ACOX3: variants seen among roughly 807,000 people sequenced by gnomAD.
ACOX3 encodes peroxisomal acyl-coenzyme A oxidase 3.
ACOX3 carries 73 observed loss-of-function variants against 81.5 expected under a neutral mutation model. That is an observed-to-expected ratio of 0.90 (90% CI 0.74 to 1.09). The LOEUF (loss-of-function observed/expected upper bound fraction) is 1.09. Among genes scored for constraint, ACOX3 ranks in the 50% least tolerant of loss-of-function variants. The pLI is 0.00. For synonymous variants in ACOX3, 387 were observed against 375.1 expected, an observed-to-expected ratio of 1.03 and a Z score of -0.37; for missense variants, 947 against 928.0, an observed-to-expected ratio of 1.02 and a Z score of -0.27.
intron 14 of ACOX3, among the ~76,000 whole-genome samples, chr4:8,376,349 A>AC (rs1293955649): frequency 5.7e-5 from 1 of 17,534 alleles, no homozygotes; most frequent in Non-Finnish European, 1.1e-4. Flanking sequence ...TTTTAAAATT[A>AC]AAAAAAAAAA....
intron 1 of ACOX3, among the ~76,000 whole-genome samples, chr4:8,425,287 C>A (rs899296624): frequency 6.6e-6 from 1 of 151,942 alleles, no homozygotes; most frequent in Non-Finnish European, 1.5e-5. Context: ...TATAGAAGGA[C>A]CCCTAGTATG....
chr4:8,420,350 A>G (rs2109002329), intron 1 of ACOX3, among the ~76,000 whole-genome samples: 1 of 152,306 alleles, frequency 6.6e-6, no homozygotes, highest in Admixed American at 6.5e-5. Context: ...CTTGGGGGTG[A>G]TAATACAGTG....
chr4:8,404,169 C>T (rs1289940336), intron 7 of ACOX3, among the ~76,000 whole-genome samples: 2 of 152,238 alleles, frequency 1.3e-5, no homozygotes, highest in Non-Finnish European at 2.9e-5. Context: ...GCTGGGGCTT[C>T]CCGCTGCCCT....
chr4:8,397,041 T>TAA lies in ACOX3; in HGVS notation c.950_951dup (p.Asn318LeufsTer3), dbSNP rs1719782939. The TAA allele has an allele frequency of 6.2e-7, 1 of 1,609,782 alleles. No individual in the cohort carries two copies. The highest frequency in any genetic ancestry group is 8.5e-7 in the Non-Finnish European group (1 of 1,178,110). On this transcript the variant is annotated frameshift_variant, in exon 9 of 18. Transcript: ENST00000356406. LOFTEE classifies it high-confidence loss of function. ...GCGATGGCCACGGCCAGCTTTAGGT[T>TAA]AAGGATGGCCAGGCTCACGATGGAG...
intron 1 of ACOX3, among the ~76,000 whole-genome samples, chr4:8,417,564 G>A (rs1384885818): frequency 6.6e-6 from 1 of 152,252 alleles, no homozygotes; most frequent in Non-Finnish European, 1.5e-5. Flanking sequence ...GAAGTGGGGA[G>A]AAGGGCTCCA....
chr4:8,425,340 A>C (rs1252017518), intron 1 of ACOX3, among the ~76,000 whole-genome samples: 1 of 152,062 alleles, frequency 6.6e-6, no homozygotes, highest in Non-Finnish European at 1.5e-5. Flanking sequence ...ACTCAAAAGA[A>C]ATAGGATGGG....
chr4:8,381,678 G>A lies in ACOX3; in HGVS notation c.1538-71C>T. On this transcript the variant is annotated intron_variant, in intron 13 of 17. Transcript: ENST00000356406. The surrounding 1 kb of genome is among the most constrained non-coding windows in gnomAD (Gnocchi z 4.3). The stretch of plus-strand genomic sequence containing the variant: ...CAGCATTTGTCACAACTCACCCCCA[G>A]GGACAAGGCACTGCCAGCATCCTGC... 8.4e-7 allele frequency: 1 copy of A among 1,195,350 alleles called. No homozygotes were observed. The highest frequency in any genetic ancestry group is 1.3e-5 in the South Asian group (1 of 78,238). 74.0% of individuals were successfully genotyped at this position (1,195,350 alleles called of 1,614,324 possible).
intron 5 of ACOX3, among the ~76,000 whole-genome samples, chr4:8,410,726 A>G (rs1040704683): frequency 6.6e-6 from 1 of 152,162 alleles, no homozygotes; most frequent in Non-Finnish European, 1.5e-5. Context: ...CCCTGTGGGC[A>G]GGGCTGTGGG....
At position 8,414,525 on chromosome 4, in the gene ACOX3, T is replaced by C; in HGVS notation, c.454-144A>G. ...CCATCTACCCAACTAGTGACTTGAC[T>C]GAGTCATGCTGCCACACTCAGCTGG... On this transcript the variant is annotated intron_variant, in intron 4 of 17. Transcript: ENST00000356406. The surrounding 1 kb of genome is among the most constrained non-coding windows in gnomAD (Gnocchi z 6.1). The C allele has an allele frequency of 1.3e-6, 1 of 785,340 alleles. No individual in the cohort carries two copies. Among genetic ancestry groups the C allele is most frequent in the Non-Finnish European group, 2.1e-6 (1 of 473,308 alleles). 48.6% of individuals were successfully genotyped at this position (785,340 alleles called of 1,614,324 possible).
chr4:8,397,458 C>A (rs956311050), intron 8 of ACOX3, among the ~76,000 whole-genome samples: 4 of 152,208 alleles, frequency 2.6e-5, no homozygotes, highest in Non-Finnish European at 5.9e-5. Flanking sequence ...CAAGGCCCAC[C>A]TTTAACCTTG....
chr4:8,384,661 G>A lies in ACOX3; in HGVS notation c.1538-3054C>T, dbSNP rs1718087721. Among the ~76,000 whole-genome samples the A allele has an allele frequency of 6.6e-6, 1 of 152,092 alleles. No individual in the cohort carries two copies. Among genetic ancestry groups the A allele is most frequent in the African/African-American group, 2.4e-5 (1 of 41,410 alleles). On this transcript the variant is annotated intron_variant, in intron 13 of 17. Coordinates refer to ENST00000356406, the MANE Select transcript of ACOX3 (RefSeq NM_003501.3). The surrounding 1 kb of genome is among the most constrained non-coding windows in gnomAD (Gnocchi z 5.3). ...CTGGGGCTCTGTCCTTGACCCCATG[G>A]TGAGCTCTTCGCATGCACTGCCTGC...
rs1264513783 is a variant in ACOX3, at chr4:8,400,239, A to C, written c.777-587T>G. ...GCACTCCAGCCTTGGTGACAGAGCA[A>C]GACTCCACCTCAATAATAATAATAA... On this transcript the variant is annotated intron_variant, in intron 7 of 17. Transcript: ENST00000356406. This position sits in a 1 kb window ranked among gnomAD's most constrained non-coding sequence, Gnocchi z 4.4. 7.2e-6 allele frequency among the ~76,000 whole-genome samples: 1 copy of C among 138,138 alleles called. No individual in the cohort carries two copies. Among genetic ancestry groups the C allele is most frequent in the Non-Finnish European group, 1.5e-5 (1 of 65,308 alleles). 90.6% of individuals were successfully genotyped at this position (138,138 alleles called of 152,430 possible).
At chr4:8,426,194 G>T (rs572131315) in intron 1 of ACOX3, among the ~76,000 whole-genome samples, 23 of 152,122 alleles carry the variant, frequency 1.5e-4, no homozygotes, top group Non-Finnish European at 3.1e-4. Context: ...AACATTACAG[G>T]GAACCTGTAC....
the ACOX3 span, among the ~76,000 whole-genome samples, chr4:8,361,240 G>A: frequency 6.6e-6 from 1 of 151,482 alleles, no homozygotes; most frequent in Non-Finnish European, 1.5e-5. Flanking sequence ...TGGCTAACAC[G>A]GTGAAACCCA....
intron 6 of ACOX3, 138 bp downstream of exon 6, chr4:8,410,074 C>T (rs1209824456): frequency 1.7e-6 from 2 of 1,158,174 alleles, no homozygotes; most frequent in African/African-American, 3.1e-5. Context: ...GCACTGGGGT[C>T]CTGGGCAGTG....
chr4:8,364,303 A>T (rs1715295073), downstream of ACOX3, among the ~76,000 whole-genome samples: 1 of 152,238 alleles, frequency 6.6e-6, no homozygotes, highest in South Asian at 2.1e-4. This position sits in a 1 kb window ranked among gnomAD's most constrained non-coding sequence, Gnocchi z 5.0. Flanking sequence ...CACAGGTCAT[A>T]GTCTTCACAT....
intron 11 of ACOX3, among the ~76,000 whole-genome samples, chr4:8,391,332 T>C (rs941729452): frequency 6.6e-6 from 1 of 152,198 alleles, no homozygotes; most frequent in African/African-American, 2.4e-5. Flanking sequence ...GAGTTAGAAC[T>C]GCAGTGGTGG....
intron 1 of ACOX3, among the ~76,000 whole-genome samples, chr4:8,426,160 A>C (rs1676992930): frequency 6.6e-6 from 1 of 152,066 alleles, no homozygotes; most frequent in Non-Finnish European, 1.5e-5. Flanking sequence ...TCACCTCCTT[A>C]GCCAAATATC....
rs1168921305 is a variant in ACOX3, at chr4:8,414,269, A to T, written c.543+23T>A. 3 of 1,596,436 alleles carry T rather than the reference A, an allele frequency of 1.9e-6. No homozygotes were observed. Among genetic ancestry groups the T allele is most frequent in the South Asian group, 1.1e-5 (1 of 90,680 alleles). On this transcript the variant is annotated intron_variant, in intron 5 of 17. Transcript: ENST00000356406. The surrounding 1 kb of genome is among the most constrained non-coding windows in gnomAD (Gnocchi z 6.1). ...CGTCTCATATGCTCCAAACTCAGGGACCCGGGGGAAGGTAATACCTACCTC... is the reference window on the plus strand; with the variant it reads ...CGTCTCATATGCTCCAAACTCAGGGTCCCGGGGGAAGGTAATACCTACCTC...
Sources: gnomAD v4.1 joint callset for allele counts (sites outside exome capture counted in the v4.1 genomes callset) on GRCh38, gnomAD v4.1.1 for gene constraint, Gnocchi (gnomAD v3.1) non-coding constraint, MANE v1.5 for transcripts, NCBI Gene and HGNC (gene_info 2026-07-23, HGNC 2026-07-21) for gene names.